The following DGCR2 variants were observed in gnomAD, a reference collection of about 807,000 sequenced individuals.
DGCR2 encodes the protein integral membrane protein DGCR2/IDD.
Under a neutral mutation model 51.6 loss-of-function variants are expected in DGCR2, and 24 were observed. The observed-to-expected ratio is 0.47, with a 90% CI of 0.34 to 0.65. The LOEUF (loss-of-function observed/expected upper bound fraction) is 0.65. Among genes scored for constraint, DGCR2 ranks in the 30% least tolerant of loss-of-function variants. The pLI, the probability that DGCR2 is intolerant of heterozygous loss-of-function variation, is 0.01. For synonymous variants in DGCR2, 340 were observed against 315.4 expected (o/e 1.08, Z -0.82); for missense variants, 765 against 772.1 (o/e 0.99, Z 0.11).
chr22:19,069,220 G>A (rs2082785412), intron 2 of DGCR2, among the ~76,000 whole-genome samples: 1 of 152,202 alleles, frequency 6.6e-6, no homozygotes, highest in African/African-American at 2.4e-5. Context: ...TGGGGCCTCG[G>A]CTCCCCAAGG....
chr22:19,096,782 G>A (rs9605935), intron 1 of DGCR2, among the ~76,000 whole-genome samples: 2 of 151,472 alleles, frequency 1.3e-5, no homozygotes, highest in African/African-American at 2.4e-5. Flanking sequence ...GCTATTCACA[G>A]GCACAATCAT....
intron 2 of DGCR2, among the ~76,000 whole-genome samples, chr22:19,068,531 A>C (rs554280610): frequency 6.6e-6 from 1 of 152,320 alleles, no homozygotes; most frequent in South Asian, 2.1e-4. Context: ...GTCCTGCATA[A>C]ATTAAAATCC....
chr22:19,045,894 T>C (rs55679525), intron 7 of DGCR2, among the ~76,000 whole-genome samples: 10 of 152,032 alleles, frequency 6.6e-5, no homozygotes, highest in Admixed American at 1.3e-4. Context: ...ACCCAACTAA[T>C]TTTTTGTATT....
At chr22:19,039,212 C>T in intron 9 of DGCR2, 91 bp from the exon 10 acceptor site, 1 of 1,512,454 alleles carries the variant, frequency 6.6e-7, no homozygotes, top group Non-Finnish European at 9.0e-7. Context: ...GACACTCCTC[C>T]TGCCTGAAGG....
intron 1 of DGCR2, among the ~76,000 whole-genome samples, chr22:19,110,605 T>C (rs952798558): frequency 6.7e-6 from 1 of 149,636 alleles, no homozygotes; most frequent in Non-Finnish European, 1.5e-5. Context: ...TGCACATGCA[T>C]CCTGGAACTT....
At chr22:19,107,169 C>T (rs1225532627) in intron 1 of DGCR2, among the ~76,000 whole-genome samples, 1 of 152,196 alleles carries the variant, frequency 6.6e-6, no homozygotes, top group East Asian at 1.9e-4. Context: ...AAACAGCCCC[C>T]GGGGCAAGTG....
At chr22:19,096,052 T>C (rs961205671) in intron 1 of DGCR2, among the ~76,000 whole-genome samples, 5 of 152,214 alleles carry the variant, frequency 3.3e-5, no homozygotes, top group African/African-American at 1.2e-4. Flanking sequence ...AATTGGGACA[T>C]GCTCTTCTGG....
At chr22:19,073,492 T>C (rs953332566) in intron 2 of DGCR2, among the ~76,000 whole-genome samples, 6 of 152,156 alleles carry the variant, frequency 3.9e-5, no homozygotes, top group African/African-American at 1.2e-4. Context: ...AAGTGACCCC[T>C]TTCCCTAAGC....
intron 2 of DGCR2, among the ~76,000 whole-genome samples, chr22:19,074,355 G>A (rs2082850297): frequency 6.6e-6 from 1 of 151,352 alleles, no homozygotes; most frequent in Non-Finnish European, 1.5e-5. Context: ...GAGCCTAGGA[G>A]GTTGCAGTGA....
intron 7 of DGCR2, among the ~76,000 whole-genome samples, chr22:19,045,623 C>G (rs1442779423): frequency 6.6e-6 from 1 of 152,208 alleles, no homozygotes; most frequent in Non-Finnish European, 1.5e-5. Flanking sequence ...CAGGGTCTTG[C>G]TATGTTAGCC....
At chr22:19,100,509 C>A (rs761180312) in intron 1 of DGCR2, among the ~76,000 whole-genome samples, 6 of 151,474 alleles carry the variant, frequency 4.0e-5, no homozygotes, top group Non-Finnish European at 8.8e-5. Flanking sequence ...ACTAAAAACA[C>A]AAAAAAATTA....
intron 1 of DGCR2, 55 bp downstream of exon 1, chr22:19,122,073 G>A (rs2083440118): frequency 7.5e-6 from 10 of 1,331,738 alleles, no homozygotes; most frequent in Non-Finnish European, 9.8e-6. Context: ...GTCCCGGGGC[G>A]ACCCCGGCCC....
intron 2 of DGCR2, among the ~76,000 whole-genome samples, chr22:19,078,145 T>C (rs188393700): frequency 6.6e-6 from 1 of 152,320 alleles, no homozygotes; most frequent in East Asian, 1.9e-4. Context: ...TTAATTTCTT[T>C]TAACATTTTG....
intron 7 of DGCR2, 145 bp from the exon 8 acceptor site, chr22:19,042,104 G>A (rs2082439657): frequency 8.3e-6 from 8 of 962,442 alleles, no homozygotes; most frequent in Admixed American, 2.9e-5. Context: ...TAGGATACAT[G>A]TGAAATAAGG....
intron 2 of DGCR2, among the ~76,000 whole-genome samples, chr22:19,073,600 A>C (rs2082840583): frequency 6.6e-6 from 1 of 152,262 alleles, no homozygotes; most frequent in African/African-American, 2.4e-5. Flanking sequence ...AGTTATGTTC[A>C]AAGAATCAAA....
intron 6 of DGCR2, among the ~76,000 whole-genome samples, chr22:19,051,917 A>G (rs2082552720): frequency 6.6e-6 from 1 of 152,230 alleles, no homozygotes; most frequent in East Asian, 1.9e-4. Context: ...AAGGGCTAAG[A>G]TGAAAAATAG....
intron 2 of DGCR2, among the ~76,000 whole-genome samples, chr22:19,073,131 GCATATGCC>G (rs2082835108): frequency 6.6e-6 from 1 of 152,074 alleles, no homozygotes; most frequent in Admixed American, 6.6e-5. Flanking sequence ...GGGCATAGTG[GCATATGCC>G]TATAGTCCCA....
At chr22:19,072,709 A>T in intron 2 of DGCR2, among the ~76,000 whole-genome samples, 1 of 150,912 alleles carries the variant, frequency 6.6e-6, no homozygotes, top group East Asian at 1.9e-4. Context: ...CCCGTCTCTA[A>T]TAAAAATGCA....
intron 5 of DGCR2, among the ~76,000 whole-genome samples, chr22:19,062,804 C>CTCTATCTCTA (rs1569053032): frequency 1.4e-5 from 2 of 147,960 alleles, no homozygotes; most frequent in Non-Finnish European, 3.0e-5. Context: ...CTCTCTCTCT[C>CTCTATCTCTA]TCTATCTGCC....
Sources: allele counts gnomAD v4.1 joint callset (sites outside exome capture counted in the v4.1 genomes callset), GRCh38; gene constraint gnomAD v4.1.1; transcripts MANE v1.5; gene names NCBI Gene and HGNC (gene_info 2026-07-23, HGNC 2026-07-21).